The following RAPGEF1 variants were observed in gnomAD, a reference collection of about 807,000 sequenced individuals.
RAPGEF1 encodes the protein Rap guanine nucleotide exchange factor 1.
A neutral mutation model predicts 143.3 loss-of-function variants in RAPGEF1; 33 were observed. The ratio of observed to expected loss-of-function variants is 0.23; its 90% CI spans 0.17 to 0.31. The LOEUF (loss-of-function observed/expected upper bound fraction) is 0.31, where lower values mean the gene tolerates loss of function less well. RAPGEF1 is among the 10% of genes least tolerant of loss of function. The pLI, the probability that RAPGEF1 is intolerant of heterozygous loss-of-function variation, is 1.00. For missense variants in RAPGEF1, 1,199 were observed against 1,645.4 expected, an observed-to-expected ratio of 0.73 and a Z score of 4.69; for synonymous variants, 629 against 676.5, an observed-to-expected ratio of 0.93 and a Z score of 1.09.
At chr9:131,589,700 G>A (rs1320290858) in intron 19 of RAPGEF1, among the ~76,000 whole-genome samples, 186 bp downstream of exon 19, 1 of 152,180 alleles carries the variant, frequency 6.6e-6, no homozygotes, top group African/African-American at 2.4e-5. Context: ...CCAGGGCCTG[G>A]GTGCAGGGTG....
chr9:131,681,994 T>C (rs1832953050), intron 1 of RAPGEF1, among the ~76,000 whole-genome samples: 1 of 152,110 alleles, frequency 6.6e-6, no homozygotes, highest in Admixed American at 6.5e-5. Flanking sequence ...CTGCGACCTA[T>C]CAGAGGGAAA....
At chr9:131,723,576 A>G (rs1161279346) in intron 1 of RAPGEF1, among the ~76,000 whole-genome samples, 1 of 152,240 alleles carries the variant, frequency 6.6e-6, no homozygotes, top group Non-Finnish European at 1.5e-5. Context: ...TAATGTCCTC[A>G]AGGTTCATCC....
intron 1 of RAPGEF1, among the ~76,000 whole-genome samples, chr9:131,725,993 T>C (rs889431798): frequency 1.3e-5 from 2 of 151,800 alleles, no homozygotes; most frequent in Admixed American, 1.3e-4. Flanking sequence ...TCTCCTGACC[T>C]CGTGATTCAC....
At chr9:131,698,328 G>C (rs190932836) in intron 1 of RAPGEF1, among the ~76,000 whole-genome samples, 1 of 152,170 alleles carries the variant, frequency 6.6e-6, no homozygotes, top group Non-Finnish European at 1.5e-5. Flanking sequence ...GGGCTTTGAC[G>C]TCAGAGACCA....
chr9:131,585,820 G>C (rs1032531911), intron 22 of RAPGEF1, among the ~76,000 whole-genome samples: 11 of 152,136 alleles, frequency 7.2e-5, no homozygotes, highest in Non-Finnish European at 1.6e-4. Flanking sequence ...TGGGGGCTTT[G>C]TCGCCTCTTG....
chr9:131,629,986 GC>G (rs905893488), intron 6 of RAPGEF1, among the ~76,000 whole-genome samples: 2 of 152,054 alleles, frequency 1.3e-5, no homozygotes, highest in Non-Finnish European at 2.9e-5. Flanking sequence ...CCCAGGAAAA[GC>G]ACTGGTATGT....
At position 131,577,132 on chromosome 9, in the gene RAPGEF1, C is replaced by G. The variant is rs1187509730; in HGVS notation, c.*2365G>C. 6.6e-6 allele frequency: 1 copy of G among 152,466 alleles called. No homozygotes were observed. Among genetic ancestry groups the G allele is most frequent in the South Asian group, 2.1e-4 (1 of 4,828 alleles). 9.4% of individuals were successfully genotyped at this position (152,466 alleles called of 1,614,324 possible). A position where few individuals can be genotyped will look rare whatever the true frequency, so the allele number is the denominator to read the frequency against. Reference sequence around the variant, plus strand: ...CACGGCCAGGCCGCAGCACTGAGCACAGAGCTCAGCAATAACCAGGGCCAG... The same window carrying G: ...CACGGCCAGGCCGCAGCACTGAGCAGAGAGCTCAGCAATAACCAGGGCCAG... On this transcript the variant is annotated 3_prime_UTR_variant, in exon 27 of 27. Coordinates refer to ENST00000683357, the MANE Select transcript of RAPGEF1 (RefSeq NM_001377935.1).
At chr9:131,682,124 C>A (rs535366787) in intron 1 of RAPGEF1, among the ~76,000 whole-genome samples, 59 of 152,148 alleles carry the variant, frequency 3.9e-4, no homozygotes, top group Non-Finnish European at 3.1e-4. Context: ...CCATTTCCTG[C>A]AGCTTGTTTT....
intron 1 of RAPGEF1, among the ~76,000 whole-genome samples, chr9:131,720,165 C>T (rs906019776): frequency 6.6e-6 from 1 of 152,280 alleles, no homozygotes; most frequent in Non-Finnish European, 1.5e-5. Context: ...GGATTACAGG[C>T]GTGAGCCACC....
chr9:131,612,648 A>G (rs1177586425), intron 12 of RAPGEF1, among the ~76,000 whole-genome samples: 1 of 152,106 alleles, frequency 6.6e-6, no homozygotes, highest in Non-Finnish European at 1.5e-5. Context: ...GGTCGCAGTG[A>G]CCTGGAAGGG....
chr9:131,697,294 A>T (rs1024552747), intron 1 of RAPGEF1, among the ~76,000 whole-genome samples: 21 of 152,318 alleles, frequency 1.4e-4, no homozygotes, highest in African/African-American at 5.1e-4. Context: ...GGTCACAGAG[A>T]CTTGAAATGG....
chr9:131,729,165 T>C (rs900410308), intron 1 of RAPGEF1, among the ~76,000 whole-genome samples: 4 of 152,210 alleles, frequency 2.6e-5, no homozygotes, highest in African/African-American at 9.6e-5. Context: ...CTCCCACCTC[T>C]CAGCTCAGGC....
intron 12 of RAPGEF1, among the ~76,000 whole-genome samples, chr9:131,617,283 C>G (rs1959153573): frequency 6.6e-6 from 1 of 152,254 alleles, no homozygotes; most frequent in African/African-American, 2.4e-5. Context: ...CCAGAGGTGC[C>G]TCTGAGGAAA....
intron 13 of RAPGEF1, 36 bp downstream of exon 13, chr9:131,604,885 GGTGTGTGTGT>G (rs58627149): frequency 3.4e-5 from 40 of 1,192,688 alleles, no homozygotes; most frequent in Non-Finnish European, 4.0e-5. Context: ...CATGTGCAGG[GGTGTGTGTGT>G]GTGTGTGTGT....
chr9:131,636,537 G>T (rs1036660700), intron 5 of RAPGEF1, among the ~76,000 whole-genome samples: 1 of 152,170 alleles, frequency 6.6e-6, no homozygotes, highest in Non-Finnish European at 1.5e-5. Context: ...ATGTACTTGG[G>T]ACTGCCACAG....
At chr9:131,643,934 CA>C (rs1460012797) in intron 3 of RAPGEF1, among the ~76,000 whole-genome samples, 1 of 152,174 alleles carries the variant, frequency 6.6e-6, no homozygotes, top group Non-Finnish European at 1.5e-5. Context: ...CCAGATTGTT[CA>C]CCCCACTGAA....
intron 1 of RAPGEF1, among the ~76,000 whole-genome samples, chr9:131,682,722 T>C (rs2130937801): frequency 6.6e-6 from 1 of 152,194 alleles, no homozygotes; most frequent in Admixed American, 6.5e-5. Context: ...GAAGCACAAA[T>C]AAACAAGGCA....
At chr9:131,738,924 C>A (rs1221038314) in intron 1 of RAPGEF1, among the ~76,000 whole-genome samples, 1 of 152,192 alleles carries the variant, frequency 6.6e-6, no homozygotes, top group African/African-American at 2.4e-5. Context: ...GCCAAGCTAA[C>A]CTGCTACCGG....
intron 5 of RAPGEF1, among the ~76,000 whole-genome samples, chr9:131,635,459 T>C (rs540507232): frequency 6.6e-6 from 1 of 150,598 alleles, no homozygotes; most frequent in East Asian, 1.9e-4. Flanking sequence ...ACTGAATGGG[T>C]TACGTAAACA....
Sources: gnomAD v4.1 joint callset for allele counts (sites outside exome capture counted in the v4.1 genomes callset) on GRCh38, gnomAD v4.1.1 for gene constraint, MANE v1.5 for transcripts, NCBI Gene and HGNC (gene_info 2026-07-23, HGNC 2026-07-21) for gene names.